KIF27: variants seen among roughly 807,000 people sequenced by gnomAD.
KIF27 encodes the protein kinesin-like protein KIF27.
A neutral mutation model predicts 141.8 loss-of-function variants in KIF27; 84 were observed. The observed-to-expected ratio is 0.59, with a 90% CI of 0.50 to 0.71. The LOEUF is 0.71. KIF27 is among the 30% of genes least tolerant of loss of function. The pLI is 0.00. For synonymous variants in KIF27, 471 were observed against 569.5 expected, an observed-to-expected ratio of 0.83 and a Z score of 2.46; for missense variants, 1,306 against 1,628.4, an observed-to-expected ratio of 0.80 and a Z score of 3.41.
intron 12 of KIF27, among the ~76,000 whole-genome samples, chr9:83,869,441 T>G (rs1455289252): frequency 6.6e-6 from 1 of 152,114 alleles, no homozygotes; most frequent in South Asian, 2.1e-4. Flanking sequence ...TTTTTAGAAA[T>G]ATACTTGTCT....
At chr9:83,855,741 C>T (rs1197522839) in intron 14 of KIF27, among the ~76,000 whole-genome samples, 3 of 152,222 alleles carry the variant, frequency 2.0e-5, no homozygotes, top group African/African-American at 7.2e-5. Context: ...AACCTATCCA[C>T]AATGTTCAGT....
intron 11 of KIF27, among the ~76,000 whole-genome samples, chr9:83,874,041 G>T (rs550407317): frequency 2.4e-5 from 3 of 126,398 alleles, no homozygotes; most frequent in Non-Finnish European, 3.2e-5. Context: ...AACAAAGAGA[G>T]ACTCCGTGTC....
intron 12 of KIF27, among the ~76,000 whole-genome samples, chr9:83,869,944 A>C (rs1464151517): frequency 6.6e-5 from 10 of 152,228 alleles, no homozygotes; most frequent in Admixed American, 6.5e-4. Flanking sequence ...CTTGGGCAAC[A>C]GGATTATTAG....
At chr9:83,837,955 T>C (rs1946085068) in intron 17 of KIF27, 1 of 158,324 alleles carries the variant, frequency 6.3e-6, no homozygotes, top group East Asian at 1.9e-4. Flanking sequence ...CCCAGCATGA[T>C]AGCGGGGTTC....
In KIF27 at chr9:83,837,058, TC is replaced by T; in HGVS notation, c.4148del (p.Gly1383AspfsTer17). The T allele has an allele frequency of 6.2e-7, 1 of 1,613,970 alleles. No individual in the cohort carries two copies. Among genetic ancestry groups the T allele is most frequent in the Non-Finnish European group, 8.5e-7 (1 of 1,179,854 alleles). On this transcript the variant is annotated frameshift_variant, in exon 18 of 18. Transcript: ENST00000297814. LOFTEE classifies it high-confidence loss of function. ...CTTCGATGGAATCAGCAGCCATTGA[TC>T]CAATGCCAACTCCAAGACTGGAACG... ...LRRSSLGVGI[G>X]SMAADSIEVS...
At chr9:83,919,436 A>G (rs1956032038) in intron 1 of KIF27, among the ~76,000 whole-genome samples, 1 of 152,248 alleles carries the variant, frequency 6.6e-6, no homozygotes, top group African/African-American at 2.4e-5. Context: ...ACAATGTTTG[A>G]GTGCAGATGA....
chr9:83,914,883 A>AT (rs1198282474), intron 2 of KIF27, among the ~76,000 whole-genome samples: 1 of 152,250 alleles, frequency 6.6e-6, no homozygotes, highest in African/African-American at 2.4e-5. Context: ...TGGCTAGAAT[A>AT]TGAAAAAGAA....
At chr9:83,891,584 C>T in intron 5 of KIF27, 83 bp from the exon 6 acceptor site, 1 of 1,256,836 alleles carries the variant, frequency 8.0e-7, no homozygotes, top group Non-Finnish European at 1.1e-6. Context: ...TTTACATTGA[C>T]CAAAATCATA....
At chr9:83,846,752 C>A (rs144532308) in intron 16 of KIF27, among the ~76,000 whole-genome samples, 1,751 of 152,266 alleles carry the variant, frequency 0.011, 36 homozygotes, top group African/African-American at 0.04. Context: ...ATATTATGTT[C>A]TGCTGGCCTA....
chr9:83,840,435 T>C (rs1946427085), intron 17 of KIF27, among the ~76,000 whole-genome samples: 1 of 152,198 alleles, frequency 6.6e-6, no homozygotes, highest in Admixed American at 6.5e-5. Context: ...AGATTAACTA[T>C]GTTTTAGATT....
intron 1 of KIF27, among the ~76,000 whole-genome samples, chr9:83,921,168 G>A (rs537280480): frequency 4.6e-5 from 7 of 150,792 alleles, no homozygotes; most frequent in South Asian, 2.1e-4. Flanking sequence ...CCCCTCGGAC[G>A]CCCCCATAGG....
chr9:83,838,297 G>A (rs1283087272), intron 17 of KIF27, among the ~76,000 whole-genome samples: 1 of 151,854 alleles, frequency 6.6e-6, no homozygotes, highest in African/African-American at 2.4e-5. Context: ...GCAGTGGCGT[G>A]ATCTCGGCTC....
At chr9:83,920,867 AAATGCGCCCAAGTTTCAACCTCTACG>A (rs1956198241) in intron 1 of KIF27, among the ~76,000 whole-genome samples, 1 of 151,492 alleles carries the variant, frequency 6.6e-6, no homozygotes, top group African/African-American at 2.4e-5. Context: ...CTACGGTGGG[AAATGCGCCCAAGTTTCAACCTCTACG>A]GTGGGAAATG....
chr9:83,921,157 A>G lies in KIF27; in HGVS notation c.-88+214T>C, dbSNP rs189255451. 8.9e-3 allele frequency among the ~76,000 whole-genome samples: 1,329 copies of G among 149,922 alleles called. 21 individuals are homozygous for G. The highest frequency in any genetic ancestry group is 0.032 in the African/African-American group (1,289 of 40,770). On this transcript the variant is annotated intron_variant, in intron 1 of 17. Transcript: ENST00000297814. The stretch of plus-strand genomic sequence containing the variant: ...CGCCGGCTCCCAGCCCCGACCCCAG[A>G]CCCCTCGGACGCCCCCATAGGCCTA...
intron 2 of KIF27, among the ~76,000 whole-genome samples, chr9:83,912,038 G>C (rs1221535258): frequency 6.6e-6 from 1 of 152,064 alleles, no homozygotes; most frequent in Admixed American, 6.5e-5. Flanking sequence ...AGTTAAAATG[G>C]TAAGTTTGGT....
Position 83,890,723 on chromosome 9 carries a change from A to C in KIF27, c.1809+572T>G, listed in dbSNP as rs532828092. ...TCCCTTCATAAAATGAGGAAACAGA[A>C]ACCAGAATTCATGAACCTGCTAAAC... On this transcript the variant is annotated intron_variant, in intron 6 of 17. Coordinates refer to ENST00000297814, the MANE Select transcript of KIF27 (RefSeq NM_017576.4). Among the ~76,000 whole-genome samples, 7 of 152,300 alleles carry C rather than the reference A, an allele frequency of 4.6e-5. No individual in the cohort carries two copies. The South Asian group carries it at 1.5e-3, about 32-fold the overall frequency.
At position 83,903,986 on chromosome 9, in the gene KIF27, T is replaced by C. The variant is rs199846865; in HGVS notation, c.532A>G (p.Ser178Gly). 63 of 1,611,526 alleles carry C rather than the reference T, an allele frequency of 3.9e-5. No individual in the cohort carries two copies. The East Asian group carries it at 1.4e-3, about 35-fold the overall frequency. The change falls in exon 4 of 18, where the codon AGT (serine) becomes GGT (glycine). Residue 178 changes from serine (S) to glycine (G), a missense_variant. By Grantham distance (56) the Ser-to-Gly change is moderately conservative (BLOSUM62 0). Around this residue, in one of 4 missense-constraint regions of KIF27, gnomAD observed 533 missense variants for 565.6 expected, o/e 0.94. Coordinates refer to ENST00000297814, the MANE Select transcript of KIF27 (RefSeq NM_017576.4). ...IVGAKECHVESAGEVMSLLEM... is the reference protein window; with the variant it reads ...IVGAKECHVEGAGEVMSLLEM... ...AAAAGACTCATCACTTCACCTGCACTCTCCACATGGCATTCCTTGGCCCCA... is the reference window on the plus strand; with the variant it reads ...AAAAGACTCATCACTTCACCTGCACCCTCCACATGGCATTCCTTGGCCCCA...
rs1417910980 is a variant in KIF27, at chr9:83,903,621, G to A, written c.897C>T (p.Thr299=). Residue 299 remains threonine, a synonymous_variant, in exon 4 of 18, where the codon ACC becomes ACT. Coordinates refer to ENST00000297814, the MANE Select transcript of KIF27 (RefSeq NM_017576.4). ...SHIPYRDAKI[T]RLLKDSLGGS... ...CTCCCAGAGAATCTTTCAGAAGCCG[G>A]GTAATTTTAGCATCCCTATATGGAA... 1 of 1,614,104 alleles carries A rather than the reference G, an allele frequency of 6.2e-7. No homozygotes were observed. Among genetic ancestry groups the A allele is most frequent in the Admixed American group, 1.7e-5 (1 of 59,996 alleles).
intron 4 of KIF27, among the ~76,000 whole-genome samples, chr9:83,902,788 G>C (rs1954059338): frequency 6.6e-6 from 1 of 152,038 alleles, no homozygotes; most frequent in Admixed American, 6.6e-5. Flanking sequence ...GAGCCAAGAA[G>C]GGTATGAATT....
Sources: gnomAD v4.1 joint callset for allele counts (sites outside exome capture counted in the v4.1 genomes callset) on GRCh38, gnomAD v4.1.1 for gene constraint, gnomAD v4.1.1 regional missense constraint, MANE v1.5 for transcripts, NCBI Gene and HGNC (gene_info 2026-07-23, HGNC 2026-07-21) for gene names.